PDZD2: variants seen among roughly 807,000 people sequenced by gnomAD.
PDZD2 encodes the protein PDZ domain containing 2, also known as PDZ domain-containing protein 2.
In PDZD2, 90 loss-of-function variants were observed where a neutral mutation model predicts 220.7. The ratio of observed to expected loss-of-function variants is 0.41; its 90% CI spans 0.34 to 0.49. The LOEUF (loss-of-function observed/expected upper bound fraction) is 0.49. PDZD2 is among the 20% of genes least tolerant of loss of function. The pLI is 0.28. For missense variants in PDZD2, 3,174 were observed against 3,608.5 expected, an observed-to-expected ratio of 0.88 and a Z score of 3.08; for synonymous variants, 1,375 against 1,450.5, an observed-to-expected ratio of 0.95 and a Z score of 1.18.
At chr5:31,845,137 A>G (rs1757518427) in intron 2 of PDZD2, among the ~76,000 whole-genome samples, 1 of 152,198 alleles carries the variant, frequency 6.6e-6, no homozygotes. Flanking sequence ...ACATCTCCAG[A>G]CATTGCCAAA....
At chr5:32,086,666 G>A (rs963599702) in intron 19 of PDZD2, among the ~76,000 whole-genome samples, 4 of 151,330 alleles carry the variant, frequency 2.6e-5, no homozygotes, top group African/African-American at 4.9e-5. Flanking sequence ...ACGCCGTTTT[G>A]TTGTTGTTGT....
Position 31,995,728 on chromosome 5 carries a change from T to A in PDZD2, c.1121+10T>A. 6.2e-7 allele frequency: 1 copy of A among 1,612,240 alleles called. No homozygotes were observed. Among genetic ancestry groups the A allele is most frequent in the Non-Finnish European group, 8.5e-7 (1 of 1,179,482 alleles). On this transcript the variant is annotated intron_variant, in intron 4 of 24. Transcript: ENST00000438447. ...GAGGTGCCGCTCACAGGTGACTAGA[T>A]AACTCTCCCCTCTCCCCCATCCCTC...
intron 24 of PDZD2, chr5:32,103,516 C>CAA (rs1257664715): frequency 6.6e-6 from 1 of 152,176 alleles, no homozygotes; most frequent in Non-Finnish European, 1.5e-5. Context: ...TCACTGCATA[C>CAA]AACAATCAGA....
At chr5:31,742,066 C>T (rs1474708822) in intron 1 of PDZD2, 1 of 152,188 alleles carries the variant, frequency 6.6e-6, no homozygotes, top group East Asian at 1.9e-4. Flanking sequence ...AGGCCCTCTT[C>T]TTATGAATAG....
intron 2 of PDZD2, among the ~76,000 whole-genome samples, chr5:31,931,457 C>G (rs566850733): frequency 6.6e-6 from 1 of 152,088 alleles, no homozygotes; most frequent in Non-Finnish European, 1.5e-5. Context: ...TGTGCCTGGC[C>G]GCATAGTAGA....
chr5:31,951,762 C>T (rs1361731524), intron 2 of PDZD2, among the ~76,000 whole-genome samples: 2 of 152,276 alleles, frequency 1.3e-5, no homozygotes, highest in East Asian at 1.9e-4. Flanking sequence ...CAGAAAAATA[C>T]GGTGAATTGG....
chr5:32,105,287 A>C (rs181057113), intron 24 of PDZD2, among the ~76,000 whole-genome samples: 1 of 152,234 alleles, frequency 6.6e-6, no homozygotes, highest in East Asian at 1.9e-4. Flanking sequence ...ACACAGGAAG[A>C]TGCTCAAACT....
intron 6 of PDZD2, among the ~76,000 whole-genome samples, chr5:32,013,417 CT>C (rs1163889451): frequency 6.6e-6 from 1 of 150,394 alleles, no homozygotes; most frequent in Admixed American, 6.7e-5. Flanking sequence ...GTAATTTACA[CT>C]TGTAGGATAG....
intron 1 of PDZD2, among the ~76,000 whole-genome samples, chr5:31,765,712 C>G (rs976905427): frequency 6.6e-6 from 1 of 152,148 alleles, no homozygotes; most frequent in African/African-American, 2.4e-5. Context: ...TTGCTGACAG[C>G]ATGCTGTGTG....
Position 31,824,309 on chromosome 5 carries a change from T to G in PDZD2, c.476+24585T>G, listed in dbSNP as rs1014049106. On this transcript the variant is annotated intron_variant, in intron 2 of 24. Coordinates refer to ENST00000438447, the MANE Select transcript of PDZD2 (RefSeq NM_178140.4). Reference sequence around the variant, plus strand: ...TAATAAATGGGTATTGCTCCAAAGCTTCTACATTTGTGGTAATTTGTTACG... The same window carrying G: ...TAATAAATGGGTATTGCTCCAAAGCGTCTACATTTGTGGTAATTTGTTACG... Among the ~76,000 whole-genome samples the G allele has an allele frequency of 4.6e-5, 7 of 152,340 alleles. No homozygotes were observed. The East Asian group carries it at 1.4e-3, about 29-fold the overall frequency.
At chr5:31,810,796 GACA>G (rs1755068065) in intron 2 of PDZD2, among the ~76,000 whole-genome samples, 2 of 152,188 alleles carry the variant, frequency 1.3e-5, no homozygotes, top group Non-Finnish European at 2.9e-5. Flanking sequence ...CTTGCTGGAG[GACA>G]ACAATATCTG....
At chr5:32,006,084 T>G (rs1752771781) in intron 5 of PDZD2, among the ~76,000 whole-genome samples, 1 of 150,972 alleles carries the variant, frequency 6.6e-6, no homozygotes, top group Non-Finnish European at 1.5e-5. Flanking sequence ...GAGGCAGAGG[T>G]TGCAGTGAGC....
intron 14 of PDZD2, among the ~76,000 whole-genome samples, chr5:32,067,955 A>G (rs1157999987): frequency 6.6e-6 from 1 of 152,218 alleles, no homozygotes; most frequent in African/African-American, 2.4e-5. Flanking sequence ...GGAGAGCGGG[A>G]TATTTACATA....
intron 1 of PDZD2, among the ~76,000 whole-genome samples, chr5:31,695,340 T>C (rs1010842216): frequency 6.6e-6 from 1 of 152,192 alleles, no homozygotes; most frequent in African/African-American, 2.4e-5. Context: ...CAATGATATT[T>C]TGATGCCACA....
At chr5:32,061,789 A>C (rs1739713649) in intron 14 of PDZD2, among the ~76,000 whole-genome samples, 1 of 152,330 alleles carries the variant, frequency 6.6e-6, no homozygotes, top group Middle Eastern at 3.4e-3. Context: ...AGAAAGTGTC[A>C]AGATAAGTAT....
rs760356246 is a variant in PDZD2 at position 32,088,514 on chromosome 5, G to A, written c.5066G>A (p.Arg1689Lys). The A allele has an allele frequency of 9.9e-6, 16 of 1,614,090 alleles. No homozygotes were observed. Among genetic ancestry groups the A allele is most frequent in the East Asian group, 6.7e-5 (3 of 44,878 alleles). Residue 1689 changes from arginine (R) to lysine (K), a missense_variant, in exon 20 of 25, where the codon AGG (arginine) becomes AAG (lysine). Physicochemically the swap from Arg to Lys is conservative, Grantham distance 26. Coordinates refer to ENST00000438447, the MANE Select transcript of PDZD2 (RefSeq NM_178140.4). This position sits in a 1 kb window ranked among gnomAD's most constrained non-coding sequence, Gnocchi z 4.6. The stretch of plus-strand genomic sequence containing the variant: ...GACATAAGCACTTCACAGAACCACA[G>A]GCCCTCGTGTGCAGAAGAAACCACA... ...HADISTSQNH[R>K]PSCAEETTEV...
chr5:31,799,487 C>T lies in PDZD2; in HGVS notation c.239C>T (p.Thr80Ile). Reference sequence around the variant, plus strand: ...TACCTCACCAAGGAGCTGGGGGACACAGAGACTGTGGGCCTGAGTTTTGGG... The same window carrying T: ...TACCTCACCAAGGAGCTGGGGGACATAGAGACTGTGGGCCTGAGTTTTGGG... ...TVYLTKELGDTETVGLSFGNI... is the reference protein window; with the variant it reads ...TVYLTKELGDIETVGLSFGNI... Residue 80 changes from threonine (T) to isoleucine (I), a missense_variant, in exon 2 of 25, where the codon ACA becomes ATA. Thr to Ile is a moderately conservative substitution (Grantham distance 89). This residue lies in a region of PDZD2 where 632 missense variants were observed against 708.1 expected (regional missense o/e 0.89). Transcript: ENST00000438447. 6.2e-7 allele frequency: 1 copy of T among 1,614,178 alleles called. No homozygotes were observed. The highest frequency in any genetic ancestry group is 8.5e-7 in the Non-Finnish European group (1 of 1,180,024).
intron 2 of PDZD2, among the ~76,000 whole-genome samples, chr5:31,856,623 G>A (rs1039645517): frequency 1.3e-5 from 2 of 152,074 alleles, no homozygotes; most frequent in Admixed American, 6.6e-5. Context: ...TCCCAGCGGC[G>A]CACCTGGCAC....
chr5:32,066,594 A>T (rs957296812), intron 14 of PDZD2, among the ~76,000 whole-genome samples: 3 of 151,874 alleles, frequency 2.0e-5, no homozygotes, highest in Non-Finnish European at 4.4e-5. Flanking sequence ...ACCTCCTTTC[A>T]CCTCGGGAAG....
Sources: gnomAD v4.1 joint callset for allele counts (sites outside exome capture counted in the v4.1 genomes callset) on GRCh38, gnomAD v4.1.1 for gene constraint, gnomAD v4.1.1 regional missense constraint, Gnocchi (gnomAD v3.1) non-coding constraint, MANE v1.5 for transcripts, NCBI Gene and HGNC (gene_info 2026-07-23, HGNC 2026-07-21) for gene names.